Variants in PTPRD observed in about 807,000 individuals in gnomAD.
PTPRD encodes the protein receptor-type tyrosine-protein phosphatase delta.
PTPRD carries 34 observed loss-of-function variants against 214.5 expected under a neutral mutation model. The observed-to-expected ratio is 0.16, with a 90% CI of 0.12 to 0.21. The LOEUF is 0.21. Ranked by LOEUF, PTPRD falls within the 10% of genes least tolerant of loss-of-function variation. The pLI, the probability that PTPRD is intolerant of heterozygous loss-of-function variation, is 1.00. For missense variants in PTPRD, 2,545 were observed against 2,398.7 expected, an observed-to-expected ratio of 1.06 and a Z score of -1.27; for synonymous variants, 1,128 against 845.7, an observed-to-expected ratio of 1.33 and a Z score of -5.79.
intron 5 of PTPRD, among the ~76,000 whole-genome samples, chr9:9,918,181 T>C (rs2081470658): frequency 6.6e-6 from 1 of 151,944 alleles, no homozygotes; most frequent in African/African-American, 2.4e-5. Context: ...ATCTCAGACT[T>C]GATAAATAAA....
intron 10 of PTPRD, among the ~76,000 whole-genome samples, chr9:9,091,748 A>G (rs1380182642): frequency 1.3e-5 from 2 of 152,214 alleles, no homozygotes; most frequent in African/African-American, 2.4e-5. Flanking sequence ...GAACCAGCCA[A>G]TATAGTAAAG....
intron 10 of PTPRD, among the ~76,000 whole-genome samples, chr9:9,146,425 G>A (rs2099868718): frequency 6.6e-6 from 1 of 152,052 alleles, no homozygotes; most frequent in Non-Finnish European, 1.5e-5. Context: ...GGTCTCTGAT[G>A]TGAGGCTCAG....
intron 14 of PTPRD, among the ~76,000 whole-genome samples, chr9:8,612,620 T>A (rs564397608): frequency 1.7e-4 from 26 of 152,310 alleles, no homozygotes; most frequent in African/African-American, 5.8e-4. Flanking sequence ...TCCACATGCT[T>A]CGAACTTGGA....
intron 7 of PTPRD, among the ~76,000 whole-genome samples, chr9:9,655,907 G>C (rs528619917): frequency 3.3e-5 from 5 of 152,218 alleles, no homozygotes; most frequent in Non-Finnish European, 5.9e-5. Flanking sequence ...AAACCCAGGA[G>C]ACGGAGGTTG....
intron 8 of PTPRD, among the ~76,000 whole-genome samples, chr9:9,547,263 G>A (rs529667488): frequency 2.0e-5 from 3 of 152,132 alleles, no homozygotes; most frequent in East Asian, 3.9e-4. Flanking sequence ...ACAAACCTTT[G>A]TGTTCCTTTA....
intron 7 of PTPRD, among the ~76,000 whole-genome samples, chr9:9,666,081 C>T (rs1287669392): frequency 1.3e-5 from 2 of 151,798 alleles, no homozygotes; most frequent in African/African-American, 2.4e-5. Context: ...CGGTAACTAT[C>T]CACATATCAA....
At chr9:9,927,510 C>A (rs2084761534) in intron 5 of PTPRD, among the ~76,000 whole-genome samples, 1 of 152,060 alleles carries the variant, frequency 6.6e-6, no homozygotes, top group South Asian at 2.1e-4. Context: ...GTTGCTTTAA[C>A]AAAAATTACT....
chr9:8,586,542 ACTTGGTT>A (rs2093671294), intron 14 of PTPRD, among the ~76,000 whole-genome samples: 1 of 152,128 alleles, frequency 6.6e-6, no homozygotes, highest in Admixed American at 6.5e-5. Flanking sequence ...TAACAGGCTG[ACTTGGTT>A]AAATCATTCC....
chr9:8,960,545 T>C (rs536249141), intron 11 of PTPRD, among the ~76,000 whole-genome samples: 1 of 152,216 alleles, frequency 6.6e-6, no homozygotes, highest in East Asian at 1.9e-4. Flanking sequence ...TAGAAGAAGA[T>C]GTCGTGCATT....
chr9:8,497,763 A>T (rs1296922793), intron 25 of PTPRD, among the ~76,000 whole-genome samples: 1 of 152,212 alleles, frequency 6.6e-6, no homozygotes, highest in Non-Finnish European at 1.5e-5. Flanking sequence ...TAATAAAGAA[A>T]AGCCAAAGAA....
At chr9:9,151,436 G>A (rs949301545) in intron 10 of PTPRD, among the ~76,000 whole-genome samples, 3 of 152,140 alleles carry the variant, frequency 2.0e-5, no homozygotes, top group African/African-American at 7.2e-5. Flanking sequence ...ATGTCCCCCA[G>A]GCTGCAGGCA....
At chr9:10,156,076 G>A (rs2099090804) in intron 3 of PTPRD, among the ~76,000 whole-genome samples, 1 of 107,440 alleles carries the variant, frequency 9.3e-6, no homozygotes, top group Admixed American at 1.2e-4. Flanking sequence ...TCTTTTGAAT[G>A]TTTGTGTGTG....
At chr9:9,241,565 G>A (rs1435732161) in intron 9 of PTPRD, among the ~76,000 whole-genome samples, 2 of 152,074 alleles carry the variant, frequency 1.3e-5, no homozygotes, top group East Asian at 1.9e-4. Context: ...CATGGTTCAC[G>A]TGACTGCTTT....
At chr9:8,355,264 G>A (rs1418576386) in intron 39 of PTPRD, among the ~76,000 whole-genome samples, 1 of 152,026 alleles carries the variant, frequency 6.6e-6, no homozygotes, top group East Asian at 1.9e-4. Context: ...AACTTCCTGG[G>A]GCCCTCAACA....
At chr9:9,540,973 G>T (rs1465125804) in intron 8 of PTPRD, among the ~76,000 whole-genome samples, 1 of 149,374 alleles carries the variant, frequency 6.7e-6, no homozygotes, top group South Asian at 2.1e-4. Context: ...TAACTTATCA[G>T]ATAGCTGAAG....
chr9:9,611,822 T>A (rs996442387), intron 7 of PTPRD, among the ~76,000 whole-genome samples: 19 of 152,234 alleles, frequency 1.2e-4, no homozygotes, highest in African/African-American at 4.3e-4. Context: ...ATGTTACACA[T>A]AAAAATGTAA....
intron 12 of PTPRD, among the ~76,000 whole-genome samples, chr9:8,698,723 A>C (rs574370317): frequency 6.6e-6 from 1 of 152,292 alleles, no homozygotes; most frequent in East Asian, 1.9e-4. Context: ...GCATACAGAA[A>C]TACTCCGGCA....
chr9:9,447,282 T>C (rs900610696), intron 8 of PTPRD, among the ~76,000 whole-genome samples: 1 of 152,070 alleles, frequency 6.6e-6, no homozygotes, highest in Non-Finnish European at 1.5e-5. Context: ...CCAGCAATGA[T>C]AGACTGGATA....
At chr9:10,549,753 C>T (rs1482725665) in intron 2 of PTPRD, among the ~76,000 whole-genome samples, 1 of 152,150 alleles carries the variant, frequency 6.6e-6, no homozygotes, top group South Asian at 2.1e-4. Context: ...TTCATAAAAA[C>T]TATCTGATAA....
Sources: gnomAD v4.1 joint callset for allele counts (sites outside exome capture counted in the v4.1 genomes callset) on GRCh38, gnomAD v4.1.1 for gene constraint, MANE v1.5 for transcripts, NCBI Gene and HGNC (gene_info 2026-07-23, HGNC 2026-07-21) for gene names.